BTBD9: variants seen among roughly 807,000 people sequenced by gnomAD.
BTBD9 encodes the protein BTB domain containing 9, also known as BTB/POZ domain-containing protein 9.
In BTBD9, 49 loss-of-function variants were observed where a neutral mutation model predicts 64.3. The observed-to-expected ratio is 0.76, with a 90% confidence interval of 0.61 to 0.97. The LOEUF is 0.97. Ranked by LOEUF, BTBD9 falls within the 50% of genes least tolerant of loss-of-function variation. The pLI, the probability that BTBD9 is intolerant of heterozygous loss-of-function variation, is 0.00. For synonymous variants in BTBD9, 260 were observed against 274.7 expected, an observed-to-expected ratio of 0.95 and a Z score of 0.53; for missense variants, 598 against 762.1, an observed-to-expected ratio of 0.78 and a Z score of 2.53.
intron 7 of BTBD9, among the ~76,000 whole-genome samples, chr6:38,311,982 C>T (rs1480487621): frequency 2.0e-5 from 3 of 152,136 alleles, no homozygotes; most frequent in African/African-American, 4.8e-5. Context: ...CTGCATCAGC[C>T]TCCTGAGTAG....
chr6:38,489,183 A>G (rs72852702), intron 6 of BTBD9, among the ~76,000 whole-genome samples: 5,039 of 152,278 alleles, frequency 0.033, 111 homozygotes, highest in Non-Finnish European at 0.052. Context: ...GGCGTGAACA[A>G]CTGTGCCTGG....
At chr6:38,300,507 C>T (rs1582190735) in intron 7 of BTBD9, among the ~76,000 whole-genome samples, 1 of 152,122 alleles carries the variant, frequency 6.6e-6, no homozygotes, top group East Asian at 1.9e-4. Flanking sequence ...AATGTTCTTC[C>T]ATTTGTTAGT....
chr6:38,182,015 A>G (rs1278677954), intron 10 of BTBD9, among the ~76,000 whole-genome samples: 1 of 152,112 alleles, frequency 6.6e-6, no homozygotes, highest in Non-Finnish European at 1.5e-5. Flanking sequence ...AAACACAACA[A>G]AAAACAAAAC....
chr6:38,430,144 A>C (rs1299379898), intron 6 of BTBD9, among the ~76,000 whole-genome samples: 1 of 151,824 alleles, frequency 6.6e-6, no homozygotes, highest in Non-Finnish European at 1.5e-5. Flanking sequence ...ACATCAGATG[A>C]TTTTTCCTAG....
chr6:38,240,124 G>A (rs1436133038), intron 9 of BTBD9, among the ~76,000 whole-genome samples: 2 of 152,222 alleles, frequency 1.3e-5, no homozygotes, highest in Non-Finnish European at 2.9e-5. Flanking sequence ...AGGCTGAAGA[G>A]AGAACGAGTG....
chr6:38,228,253 C>T (rs1489718696), intron 9 of BTBD9, among the ~76,000 whole-genome samples: 3 of 141,712 alleles, frequency 2.1e-5, no homozygotes, highest in African/African-American at 5.3e-5. Flanking sequence ...CCCAGTTACT[C>T]GGGAGGCAGA....
At chr6:38,379,926 T>C (rs1013016288) in intron 6 of BTBD9, among the ~76,000 whole-genome samples, 4 of 152,136 alleles carry the variant, frequency 2.6e-5, no homozygotes, top group African/African-American at 4.8e-5. Flanking sequence ...GTGACTACAA[T>C]TGATTAATCA....
intron 7 of BTBD9, 76 bp downstream of exon 7, chr6:38,344,908 T>TAA: frequency 1.0e-6 from 1 of 964,138 alleles, no homozygotes; most frequent in Non-Finnish European, 1.6e-6. Context: ...CTGATTAAGA[T>TAA]AAGTTAAGAG....
At chr6:38,283,138 A>G (rs1407260760) in intron 8 of BTBD9, among the ~76,000 whole-genome samples, 2 of 152,132 alleles carry the variant, frequency 1.3e-5, no homozygotes, top group Non-Finnish European at 2.9e-5. Flanking sequence ...TTGGTATCTG[A>G]CTCACTAAGA....
intron 6 of BTBD9, among the ~76,000 whole-genome samples, chr6:38,524,820 A>G (rs1773414544): frequency 6.6e-6 from 1 of 152,140 alleles, no homozygotes; most frequent in South Asian, 2.1e-4. Context: ...AAGACTCACA[A>G]TAAAGGAGTC....
intron 6 of BTBD9, among the ~76,000 whole-genome samples, chr6:38,559,987 A>G (rs1775200709): frequency 6.6e-6 from 1 of 152,176 alleles, no homozygotes; most frequent in Non-Finnish European, 1.5e-5. Flanking sequence ...AAAAGAAAAC[A>G]TAGGAAATAC....
intron 6 of BTBD9, among the ~76,000 whole-genome samples, chr6:38,422,302 C>A (rs1767937756): frequency 6.6e-6 from 1 of 152,174 alleles, no homozygotes; most frequent in African/African-American, 2.4e-5. Flanking sequence ...GAACTCCTAC[C>A]CAGCATCTCA....
intron 1 of BTBD9, among the ~76,000 whole-genome samples, chr6:38,610,625 T>A (rs141798966): frequency 6.6e-6 from 1 of 152,232 alleles, no homozygotes; most frequent in East Asian, 1.9e-4. Context: ...GTGCTCATAG[T>A]TCTGTGGGGG....
chr6:38,206,053 G>A (rs1762639610), intron 9 of BTBD9, among the ~76,000 whole-genome samples: 1 of 151,890 alleles, frequency 6.6e-6, no homozygotes, highest in Non-Finnish European at 1.5e-5. Flanking sequence ...GGGAAGGCGG[G>A]CAGCTTATGG....
At chr6:38,474,145 A>C (rs1770775912) in intron 6 of BTBD9, among the ~76,000 whole-genome samples, 1 of 152,234 alleles carries the variant, frequency 6.6e-6, no homozygotes, top group Admixed American at 6.5e-5. Flanking sequence ...TGTCTTAAAA[A>C]GAACACTCTA....
chr6:38,225,459 G>A (rs1274041355), intron 9 of BTBD9, among the ~76,000 whole-genome samples: 1 of 152,146 alleles, frequency 6.6e-6, no homozygotes, highest in African/African-American at 2.4e-5. Flanking sequence ...GCATTCCCTG[G>A]CCCTAAACTT....
intron 8 of BTBD9, among the ~76,000 whole-genome samples, chr6:38,259,968 A>G (rs1764735290): frequency 6.6e-6 from 1 of 152,136 alleles, no homozygotes; most frequent in African/African-American, 2.4e-5. Context: ...AACGTGAATC[A>G]TTTCCTTCAT....
At chr6:38,631,822 A>G (rs528093279) in intron 1 of BTBD9, among the ~76,000 whole-genome samples, 72 of 152,354 alleles carry the variant, frequency 4.7e-4, no homozygotes, top group Non-Finnish European at 8.7e-4. Context: ...CACAGAAATC[A>G]TAAGATTAAA....
chr6:38,454,915 C>A (rs1434219459), intron 6 of BTBD9, among the ~76,000 whole-genome samples: 4 of 151,964 alleles, frequency 2.6e-5, no homozygotes, highest in Non-Finnish European at 5.9e-5. Flanking sequence ...ACATTATCAG[C>A]TTAAAGAAAG....
Sources: gnomAD v4.1 joint callset for allele counts (sites outside exome capture counted in the v4.1 genomes callset) on GRCh38, gnomAD v4.1.1 for gene constraint, MANE v1.5 for transcripts, NCBI Gene and HGNC (gene_info 2026-07-23, HGNC 2026-07-21) for gene names.